DAB1: variants seen among roughly 807,000 people sequenced by gnomAD.
DAB1 encodes the protein DAB adaptor protein 1.
DAB1 carries 15 observed loss-of-function variants against 64.6 expected under a neutral mutation model. The ratio of observed to expected loss-of-function variants is 0.23; its 90% CI spans 0.16 to 0.36. DAB1 has a LOEUF of 0.36. Among genes scored for constraint, DAB1 ranks in the 10% least tolerant of loss-of-function variants. The probability of loss-of-function intolerance (pLI) is 1.00; values close to 1 mark genes in which losing one functional copy is unlikely to be tolerated. For synonymous variants in DAB1, 235 were observed against 251.9 expected (o/e 0.93, Z 0.64); for missense variants, 596 against 706.7 (o/e 0.84, Z 1.78).
chr1:57,189,404 C>T (rs1481883542), intron 2 of DAB1, among the ~76,000 whole-genome samples: 1 of 152,086 alleles, frequency 6.6e-6, no homozygotes, highest in Non-Finnish European at 1.5e-5. Flanking sequence ...TTATTCTGAC[C>T]TTCCAAGGCC....
chr1:58,515,908 C>T (rs918433699), intron 2 of DAB1, among the ~76,000 whole-genome samples: 7 of 152,150 alleles, frequency 4.6e-5, no homozygotes, highest in Non-Finnish European at 7.4e-5. Context: ...CTACAAGGTA[C>T]TATTTTAAAT....
chr1:58,048,456 C>A, intron 5 of DAB1: 1 of 1,104,482 alleles, frequency 9.1e-7, no homozygotes, highest in Non-Finnish European at 1.4e-6. Flanking sequence ...CCGCCATAGC[C>A]ACTGCCCTGG....
rs766827305 is a variant in DAB1 at position 58,341,102 on chromosome 1, G to C, written n.309+2250C>G. Among the ~76,000 whole-genome samples, 2 of 150,840 alleles carry C rather than the reference G, an allele frequency of 1.3e-5. 1 individual carries two copies. The highest frequency in any genetic ancestry group is 2.9e-5 in the Non-Finnish European group (2 of 67,880). ...TTATTCACATAAGCATCATTTATTG[G>C]ATAAAAACAATGTGCATTAATTTGA... On this transcript the variant is annotated intron_variant and non_coding_transcript_variant, in intron 4 of 20. Coordinates refer to the DAB1 transcript ENST00000485760.
intron 6 of DAB1, among the ~76,000 whole-genome samples, chr1:57,811,360 C>T (rs1651612684): frequency 6.6e-6 from 1 of 152,170 alleles, no homozygotes; most frequent in South Asian, 2.1e-4. Context: ...GTGAGTTCTC[C>T]TGAGATCTGG....
At chr1:58,435,640 A>G (rs1156864840) in intron 3 of DAB1, among the ~76,000 whole-genome samples, 4 of 152,006 alleles carry the variant, frequency 2.6e-5, no homozygotes, top group Non-Finnish European at 5.9e-5. Context: ...CCTCCTGCCT[A>G]GCCCCCTTCT....
intron 7 of DAB1, among the ~76,000 whole-genome samples, chr1:57,548,113 T>C (rs532397036): frequency 6.6e-6 from 1 of 152,346 alleles, no homozygotes; most frequent in South Asian, 2.1e-4. Flanking sequence ...TCTGTCTGTC[T>C]GCATCCTCAA....
intron 7 of DAB1, among the ~76,000 whole-genome samples, chr1:57,488,860 T>C (rs866396462): frequency 1.4e-4 from 21 of 152,276 alleles, no homozygotes; most frequent in African/African-American, 4.8e-4. Flanking sequence ...AATAATAATA[T>C]CGATTTTGAA....
chr1:58,536,608 T>C, intron 1 of DAB1: 1 of 872,790 alleles, frequency 1.1e-6, no homozygotes. Context: ...TCCAGGTGAG[T>C]AAAATAAAAC....
In DAB1 at chr1:58,265,597, G is replaced by T. The variant is rs113254792; in HGVS notation, n.309+77755C>A. 6.6e-3 allele frequency among the ~76,000 whole-genome samples: 1,000 copies of T among 152,184 alleles called. 15 individuals carry two copies. The highest frequency in any genetic ancestry group is 0.022 in the African/African-American group (933 of 41,540). On this transcript the variant is annotated intron_variant and non_coding_transcript_variant, in intron 4 of 20. Transcript: ENST00000485760. ...CAATTTTTTTTCATATTACATGAAAGAATATTAATCAATTCTGTTTATGGC... is the reference window on the plus strand; with the variant it reads ...CAATTTTTTTTCATATTACATGAAATAATATTAATCAATTCTGTTTATGGC...
intron 7 of DAB1, among the ~76,000 whole-genome samples, chr1:57,624,271 A>C (rs767135546): frequency 4.6e-5 from 7 of 152,170 alleles, no homozygotes; most frequent in Non-Finnish European, 5.9e-5. Context: ...CAGGAAGAAC[A>C]CTTTGGTTTG....
intron 7 of DAB1, among the ~76,000 whole-genome samples, chr1:57,442,528 ATTT>A (rs546031178): frequency 1.4e-5 from 2 of 147,426 alleles, no homozygotes; most frequent in Non-Finnish European, 3.0e-5. Context: ...TTGAGTGAGA[ATTT>A]TTTTTTTTTT....
At chr1:57,027,346 G>A (rs921814821) in intron 9 of DAB1, among the ~76,000 whole-genome samples, 1 of 152,124 alleles carries the variant, frequency 6.6e-6, no homozygotes, top group African/African-American at 2.4e-5. Flanking sequence ...CAACCACCTC[G>A]TTTGCAGGTA....
chr1:57,662,795 T>A (rs899997030), intron 6 of DAB1, among the ~76,000 whole-genome samples: 2 of 152,190 alleles, frequency 1.3e-5, no homozygotes, highest in African/African-American at 4.8e-5. Flanking sequence ...ACATGGTATG[T>A]GGACAGATCA....
At chr1:57,611,128 C>CT (rs5774360) in intron 7 of DAB1, among the ~76,000 whole-genome samples, 7,478 of 111,882 alleles carry the variant, frequency 0.067, 651 homozygotes, top group African/African-American at 0.16. Flanking sequence ...CGTGCAGTGG[C>CT]TTTTTTTTTT....
Position 57,368,704 on chromosome 1 carries a change from G to A in DAB1, c.-137+55226C>T, listed in dbSNP as rs1435020132. On this transcript the variant is annotated intron_variant, in intron 1 of 14. Transcript: ENST00000371236. ...CTGAGCTGTTCTAACACTCAATAAA[G>A]CTCCTCTTCATCTTGCTCACCCTCC... Among the ~76,000 whole-genome samples, 3 of 152,054 alleles carry A rather than the reference G, an allele frequency of 2.0e-5. No individual in the cohort carries two copies. The East Asian group carries it at 5.8e-4, about 30-fold the overall frequency.
At chr1:57,750,915 A>G (rs1648520745) in intron 6 of DAB1, among the ~76,000 whole-genome samples, 1 of 152,178 alleles carries the variant, frequency 6.6e-6, no homozygotes, top group Non-Finnish European at 1.5e-5. Context: ...TCATTTACTG[A>G]TGTCAGAAGT....
At chr1:57,068,976 T>G (rs1651192103) in intron 8 of DAB1, among the ~76,000 whole-genome samples, 1 of 152,236 alleles carries the variant, frequency 6.6e-6, no homozygotes, top group Admixed American at 6.5e-5. Context: ...GAAATTAAAT[T>G]TGTGCTTTAT....
chr1:57,200,369 T>C (rs576478821), intron 2 of DAB1, among the ~76,000 whole-genome samples: 6 of 152,314 alleles, frequency 3.9e-5, no homozygotes, highest in South Asian at 4.1e-4. Context: ...GCATGAAACA[T>C]GCAATTTAGT....
chr1:58,327,289 AAGGG>A (rs975193781), intron 4 of DAB1, among the ~76,000 whole-genome samples: 1 of 152,162 alleles, frequency 6.6e-6, no homozygotes, highest in Non-Finnish European at 1.5e-5. Context: ...AAAAAGAAGA[AAGGG>A]AGGGAGGAAG....
Sources: gnomAD v4.1 joint callset for allele counts (sites outside exome capture counted in the v4.1 genomes callset) on GRCh38, gnomAD v4.1.1 for gene constraint, MANE v1.5 for transcripts, NCBI Gene and HGNC (gene_info 2026-07-23, HGNC 2026-07-21) for gene names.